EDIL3: variants seen among roughly 807,000 people sequenced by gnomAD.
The protein encoded by EDIL3 is EGF-like repeat and discoidin I-like domain-containing protein 3.
Under a neutral mutation model 67.4 loss-of-function variants are expected in EDIL3, and 37 were observed. The ratio of observed to expected loss-of-function variants is 0.55; its 90% CI spans 0.42 to 0.72. The LOEUF (loss-of-function observed/expected upper bound fraction) is 0.72, where lower values mean the gene tolerates loss of function less well. Ranked by LOEUF, EDIL3 falls within the 30% of genes least tolerant of loss-of-function variation. The pLI is 0.00. For synonymous variants in EDIL3, 195 were observed against 196.3 expected, an observed-to-expected ratio of 0.99 and a Z score of 0.05; for missense variants, 527 against 586.3, an observed-to-expected ratio of 0.90 and a Z score of 1.04.
chr5:84,208,222 C>A (rs960104686), intron 3 of EDIL3, among the ~76,000 whole-genome samples: 1 of 152,096 alleles, frequency 6.6e-6, no homozygotes, highest in African/African-American at 2.4e-5. Flanking sequence ...ACAACCCCAT[C>A]AAAAAGTGGG....
chr5:84,340,534 C>CTCTCTCTCTATATATATA (rs1432966515), intron 1 of EDIL3, among the ~76,000 whole-genome samples: 2 of 54,208 alleles, frequency 3.7e-5, no homozygotes, highest in Non-Finnish European at 7.3e-5. Context: ...CTCTCTCTCT[C>CTCTCTCTCTATATATATA]TATATATATA....
intron 9 of EDIL3, among the ~76,000 whole-genome samples, chr5:84,057,616 T>A (rs555295666): frequency 1.3e-5 from 2 of 152,170 alleles, no homozygotes; most frequent in African/African-American, 4.8e-5. Context: ...ATTATAAAAA[T>A]TTAGTTTCCT....
chr5:84,000,970 G>T (rs1488500321), intron 9 of EDIL3, among the ~76,000 whole-genome samples: 1 of 151,780 alleles, frequency 6.6e-6, no homozygotes, highest in African/African-American at 2.4e-5. Context: ...AAACACAGGG[G>T]ATACAGCAGA....
At position 84,275,973 on chromosome 5, in the gene EDIL3, C is replaced by T. The variant is rs374335206; in HGVS notation, c.68-21761G>A. On this transcript the variant is annotated intron_variant, in intron 1 of 10. Coordinates refer to ENST00000296591, the MANE Select transcript of EDIL3 (RefSeq NM_005711.5). Reference sequence around the variant, plus strand: ...TTTATTCACTGGATTTATACATTTGCTGCAGGGAGATTTTCTAGTTTACAT... The same window carrying T: ...TTTATTCACTGGATTTATACATTTGTTGCAGGGAGATTTTCTAGTTTACAT... Among the ~76,000 whole-genome samples, 16 of 152,190 alleles carry T rather than the reference C, an allele frequency of 1.1e-4. No homozygotes were observed. In the East Asian group the frequency reaches 1.2e-3, roughly 11 times the overall value.
chr5:84,093,573 A>G (rs781077136), intron 6 of EDIL3, among the ~76,000 whole-genome samples: 1 of 151,812 alleles, frequency 6.6e-6, no homozygotes, highest in Non-Finnish European at 1.5e-5. Context: ...AGCTGGATTA[A>G]TTTGAAGAAC....
chr5:84,305,944 A>G lies in EDIL3; in HGVS notation c.68-51732T>C, dbSNP rs1746266414. Among the ~76,000 whole-genome samples the G allele has an allele frequency of 2.0e-5, 3 of 151,796 alleles. No homozygotes were observed. The South Asian group carries it at 6.2e-4, about 32-fold the overall frequency. ...ATAGATAGATAAATAAATAAAATAC[A>G]CTGTGTGCATATTGTCCTTACTTTC... On this transcript the variant is annotated intron_variant, in intron 1 of 10. Coordinates refer to ENST00000296591, the MANE Select transcript of EDIL3 (RefSeq NM_005711.5).
At chr5:84,144,263 TTCC>T (rs1748253326) in intron 4 of EDIL3, among the ~76,000 whole-genome samples, 1 of 126,584 alleles carries the variant, frequency 7.9e-6, no homozygotes, top group Admixed American at 8.7e-5. Context: ...CCTCCCACCC[TTCC>T]TCCTTTCCTT....
At chr5:84,162,998 C>T (rs936475713) in intron 4 of EDIL3, among the ~76,000 whole-genome samples, 16 of 152,094 alleles carry the variant, frequency 1.1e-4, no homozygotes, top group African/African-American at 3.9e-4. Context: ...TAATAACATA[C>T]TTAATATCAA....
chr5:84,368,467 A>G (rs909040615), intron 1 of EDIL3, among the ~76,000 whole-genome samples: 2 of 152,182 alleles, frequency 1.3e-5, no homozygotes, highest in African/African-American at 4.8e-5. Context: ...TACATCGTAT[A>G]CAAAAATGAA....
rs572115538 is a variant in EDIL3 at position 84,282,627 on chromosome 5, A to T, written c.68-28415T>A. Among the ~76,000 whole-genome samples the T allele has an allele frequency of 2.6e-5, 4 of 152,312 alleles. 1 individual carries two copies. In the South Asian group the frequency reaches 8.3e-4, roughly 32 times the overall value. On this transcript the variant is annotated intron_variant, in intron 1 of 10. Coordinates refer to ENST00000296591, the MANE Select transcript of EDIL3 (RefSeq NM_005711.5). ...ATTTTGGATATGTACCTACAGATAAAGTAGCTGCATGAAATGATGTGTATT... is the reference window on the plus strand; with the variant it reads ...ATTTTGGATATGTACCTACAGATAATGTAGCTGCATGAAATGATGTGTATT...
chr5:84,322,834 C>T (rs552085776), intron 1 of EDIL3, among the ~76,000 whole-genome samples: 46 of 152,126 alleles, frequency 3.0e-4, no homozygotes, highest in South Asian at 2.9e-3. Context: ...CATTTCATCA[C>T]GTACAAGGGA....
intron 1 of EDIL3, among the ~76,000 whole-genome samples, chr5:84,340,063 G>A (rs1747070179): frequency 6.6e-6 from 1 of 151,670 alleles, no homozygotes; most frequent in African/African-American, 2.4e-5. Flanking sequence ...AGACTATTAG[G>A]GGATTTTTTT....
intron 5 of EDIL3, among the ~76,000 whole-genome samples, chr5:84,116,191 CAAA>C (rs71605896): frequency 8.6e-6 from 1 of 116,342 alleles, no homozygotes; most frequent in Non-Finnish European, 1.7e-5. Context: ...TTCCAGAGGT[CAAA>C]AAAAAAAAAA....
chr5:84,191,619 T>C (rs1743587772), intron 3 of EDIL3, among the ~76,000 whole-genome samples: 1 of 152,034 alleles, frequency 6.6e-6, no homozygotes, highest in South Asian at 2.1e-4. Context: ...CATTAAGTAA[T>C]GACCATGTCA....
intron 1 of EDIL3, among the ~76,000 whole-genome samples, chr5:84,362,253 T>C (rs993311245): frequency 1.3e-5 from 2 of 152,102 alleles, no homozygotes; most frequent in African/African-American, 4.8e-5. Context: ...ATTCCTGGAG[T>C]ACAACCAAAT....
At chr5:84,243,030 G>GACATTGAT (rs1189710839) in intron 2 of EDIL3, among the ~76,000 whole-genome samples, 1 of 151,428 alleles carries the variant, frequency 6.6e-6, no homozygotes, top group Non-Finnish European at 1.5e-5. Context: ...GTTTAACACT[G>GACATTGAT]ACATTGATAT....
intron 9 of EDIL3, among the ~76,000 whole-genome samples, chr5:83,996,377 A>C (rs1412337221): frequency 3.9e-5 from 6 of 152,202 alleles, no homozygotes; most frequent in Non-Finnish European, 8.8e-5. Flanking sequence ...AATACTGAGC[A>C]GCAGAAGGAA....
chr5:84,144,896 T>A (rs1056572982), intron 4 of EDIL3, among the ~76,000 whole-genome samples: 10 of 152,120 alleles, frequency 6.6e-5, no homozygotes, highest in African/African-American at 2.4e-4. Context: ...TAGTGAGTTA[T>A]CAGAAACCCC....
chr5:84,030,772 C>T (rs974313976), intron 9 of EDIL3, among the ~76,000 whole-genome samples: 1 of 152,100 alleles, frequency 6.6e-6, no homozygotes, highest in African/African-American at 2.4e-5. Flanking sequence ...GACTGCCTTC[C>T]TCTCAACTTC....
Sources: gnomAD v4.1 joint callset for allele counts (sites outside exome capture counted in the v4.1 genomes callset) on GRCh38, gnomAD v4.1.1 for gene constraint, MANE v1.5 for transcripts, NCBI Gene and HGNC (gene_info 2026-07-23, HGNC 2026-07-21) for gene names.